The following DOCK1 variants were observed in gnomAD, a reference collection of about 807,000 sequenced individuals.
The protein encoded by DOCK1 is dedicator of cytokinesis protein 1.
In DOCK1, 138 loss-of-function variants were observed where a neutral mutation model predicts 262.7. That is an observed-to-expected ratio of 0.53 (90% confidence interval 0.46 to 0.61). DOCK1 has a LOEUF of 0.61. Ranked by LOEUF, DOCK1 falls within the 20% of genes least tolerant of loss-of-function variation. The pLI is 0.00. For missense variants in DOCK1, 1,908 were observed against 2,370.7 expected, an observed-to-expected ratio of 0.80 and a Z score of 4.05; for synonymous variants, 866 against 867.4, an observed-to-expected ratio of 1.00 and a Z score of 0.03.
intron 12 of DOCK1, chr10:127,018,440 C>T (rs1348013577): frequency 3.9e-5 from 19 of 489,094 alleles, no homozygotes; most frequent in Non-Finnish European, 4.4e-5. Flanking sequence ...CATTCCTCAG[C>T]AGCACAGTGG....
intron 1 of DOCK1, among the ~76,000 whole-genome samples, chr10:126,946,292 T>A (rs1324698310): frequency 1.3e-5 from 2 of 152,132 alleles, no homozygotes; most frequent in Non-Finnish European, 2.9e-5. Context: ...CATGCCTGTA[T>A]TCCTAGCACT....
chr10:126,936,904 A>G (rs1331140599), intron 1 of DOCK1, among the ~76,000 whole-genome samples: 1 of 152,148 alleles, frequency 6.6e-6, no homozygotes, highest in Non-Finnish European at 1.5e-5. Flanking sequence ...AACTCTTTTC[A>G]TCTTCCCCAA....
At chr10:127,366,586 A>G (rs534931964) in intron 33 of DOCK1, among the ~76,000 whole-genome samples, 3 of 152,030 alleles carry the variant, frequency 2.0e-5, no homozygotes, top group Non-Finnish European at 4.4e-5. Flanking sequence ...TGCTCTATCT[A>G]TGTTTTCTAA....
chr10:127,282,609 G>A (rs537374796), intron 29 of DOCK1, among the ~76,000 whole-genome samples: 79 of 152,296 alleles, frequency 5.2e-4, no homozygotes, highest in African/African-American at 1.3e-3. Flanking sequence ...ACCCACAAGG[G>A]GGTCACCAGG....
chr10:127,248,972 T>G (rs1470899484), intron 28 of DOCK1, among the ~76,000 whole-genome samples: 1 of 152,142 alleles, frequency 6.6e-6, no homozygotes. Context: ...ATCTAATGCC[T>G]GATGATCTGA....
At chr10:127,330,119 A>G (rs774952852) in intron 29 of DOCK1, among the ~76,000 whole-genome samples, 5 of 152,186 alleles carry the variant, frequency 3.3e-5, no homozygotes, top group Non-Finnish European at 5.9e-5. Flanking sequence ...CTTTTCAATC[A>G]ACACATTTTA....
chr10:127,296,395 C>G (rs2061506104), intron 29 of DOCK1, among the ~76,000 whole-genome samples: 1 of 152,186 alleles, frequency 6.6e-6, no homozygotes, highest in Admixed American at 6.5e-5. Context: ...CCTCCACCTG[C>G]AGGCCTGTTC....
intron 23 of DOCK1, among the ~76,000 whole-genome samples, chr10:127,088,910 C>T (rs557464445): frequency 2.0e-5 from 3 of 152,072 alleles, no homozygotes; most frequent in East Asian, 3.9e-4. Context: ...CCTGGTGATA[C>T]GGCCCCACCG....
At chr10:127,149,397 T>G (rs1421307339) in intron 27 of DOCK1, among the ~76,000 whole-genome samples, 1 of 152,194 alleles carries the variant, frequency 6.6e-6, no homozygotes, top group African/African-American at 2.4e-5. Flanking sequence ...CGTTTGTCCT[T>G]TTGATGCTTT....
chr10:126,955,360 C>A (rs1159809107), intron 1 of DOCK1, among the ~76,000 whole-genome samples: 1 of 152,152 alleles, frequency 6.6e-6, no homozygotes, highest in Non-Finnish European at 1.5e-5. Flanking sequence ...TTCTGGCCTC[C>A]AATGATCCGC....
In DOCK1 at chr10:126,907,318, A is replaced by G. The variant is rs986117016; in HGVS notation, c.46+1755A>G. ...GCAGGAGGCTGGCAGAGGAGCAGGC[A>G]TCCCATAGCCCTGGCCCTGCTGAGG... On this transcript the variant is annotated intron_variant, in intron 1 of 51. Coordinates refer to ENST00000623213, the MANE Select transcript of DOCK1 (RefSeq NM_001290223.2). Among the ~76,000 whole-genome samples, 5 of 152,230 alleles carry G rather than the reference A, an allele frequency of 3.3e-5. No homozygotes were observed. The South Asian group carries it at 6.2e-4, about 19-fold the overall frequency.
At chr10:126,915,407 T>C (rs927418210) in intron 1 of DOCK1, among the ~76,000 whole-genome samples, 3 of 141,494 alleles carry the variant, frequency 2.1e-5, no homozygotes, top group Non-Finnish European at 4.6e-5. Flanking sequence ...GCTTTCTCAA[T>C]GTGTCTTTTT....
At chr10:127,226,079 CAAA>C (rs58963480) in intron 27 of DOCK1, among the ~76,000 whole-genome samples, 10 of 94,616 alleles carry the variant, frequency 1.1e-4, no homozygotes, top group Admixed American at 2.3e-4. Context: ...GACTCTGTCT[CAAA>C]AAAAAAAAAA....
intron 33 of DOCK1, among the ~76,000 whole-genome samples, chr10:127,373,521 C>T (rs1383262563): frequency 6.6e-6 from 1 of 151,934 alleles, no homozygotes; most frequent in Admixed American, 6.6e-5. Context: ...GTCTTTCTTC[C>T]CCTGGTTCTT....
intron 23 of DOCK1, among the ~76,000 whole-genome samples, chr10:127,101,171 G>A (rs1252601215): frequency 1.3e-5 from 2 of 152,184 alleles, no homozygotes; most frequent in East Asian, 3.9e-4. Context: ...TGGAAGCTTA[G>A]CGAGTTCCTT....
chr10:127,245,531 T>C (rs1174664024), intron 27 of DOCK1, among the ~76,000 whole-genome samples: 1 of 152,320 alleles, frequency 6.6e-6, no homozygotes, highest in East Asian at 1.9e-4. Context: ...GGCATTTACA[T>C]CCTCCCAGGA....
At chr10:127,254,666 A>G (rs747724688) in intron 28 of DOCK1, among the ~76,000 whole-genome samples, 4 of 152,166 alleles carry the variant, frequency 2.6e-5, no homozygotes, top group Non-Finnish European at 4.4e-5. Context: ...GCCATGTCCT[A>G]TTTCCCTAAC....
intron 1 of DOCK1, among the ~76,000 whole-genome samples, chr10:126,917,473 G>A (rs986997751): frequency 6.6e-6 from 1 of 152,026 alleles, no homozygotes; most frequent in South Asian, 2.1e-4. Flanking sequence ...AATGCCCTTC[G>A]TGGCCATCCT....
chr10:127,082,247 C>A (rs1216957758), intron 23 of DOCK1, among the ~76,000 whole-genome samples: 1 of 152,146 alleles, frequency 6.6e-6, no homozygotes, highest in Non-Finnish European at 1.5e-5. Flanking sequence ...AAATATTAAG[C>A]CATACTCAGT....
Sources: gnomAD v4.1 joint callset for allele counts (sites outside exome capture counted in the v4.1 genomes callset) on GRCh38, gnomAD v4.1.1 for gene constraint, MANE v1.5 for transcripts, NCBI Gene and HGNC (gene_info 2026-07-23, HGNC 2026-07-21) for gene names.